ATP6AP2: variants seen among roughly 807,000 people sequenced by gnomAD.
ATP6AP2 encodes the protein renin receptor.
ATP6AP2 carries 1 observed loss-of-function variant against 23.4 expected under a neutral mutation model. That is an observed-to-expected ratio of 0.04 (90% CI 0.02 to 0.20). ATP6AP2 has a LOEUF of 0.20. Ranked by LOEUF, ATP6AP2 falls within the 10% of genes least tolerant of loss-of-function variation. The pLI, the probability that ATP6AP2 is intolerant of heterozygous loss-of-function variation, is 1.00. For missense variants in ATP6AP2, 174 were observed against 271.3 expected, an observed-to-expected ratio of 0.64 and a Z score of 2.52; for synonymous variants, 90 against 97.1, an observed-to-expected ratio of 0.93 and a Z score of 0.43.
Position 40,594,084 on chromosome X carries a change from A to G in ATP6AP2, c.300+2719A>G, listed in dbSNP as rs201248238. Among the ~76,000 whole-genome samples, 29 of 108,227 alleles carry G rather than the reference A, an allele frequency of 2.7e-4. No individual in the cohort carries two copies. The East Asian group carries it at 8.5e-3, about 32-fold the overall frequency. 94.0% of individuals were successfully genotyped at this position (108,227 alleles called of 115,157 possible). A position where few individuals can be genotyped will look rare whatever the true frequency, so the allele number is the denominator to read the frequency against. On this transcript the variant is annotated intron_variant, in intron 3 of 8. Coordinates refer to ENST00000636580, the MANE Select transcript of ATP6AP2 (RefSeq NM_005765.3). Reference sequence around the variant, plus strand: ...GGAGTAGATTTTAGATACTTTTACCACAAAAAAAATATAAGTATGTGAGGT... The same window carrying G: ...GGAGTAGATTTTAGATACTTTTACCGCAAAAAAAATATAAGTATGTGAGGT...
intron 3 of ATP6AP2, chrX:40,591,752 C>T (rs1468596277): frequency 9.7e-6 from 2 of 206,533 alleles, no homozygotes; most frequent in Non-Finnish European, 1.8e-5. Context: ...ACACTGGAGG[C>T]TGCTTGCTGG....
intron 1 of ATP6AP2, among the ~76,000 whole-genome samples, chrX:40,585,466 G>A (rs1019090088): frequency 4.5e-5 from 5 of 111,678 alleles, no homozygotes; most frequent in African/African-American, 1.6e-4. Context: ...GGAGGGAGTT[G>A]CCAGTATCAA....
chrX:40,602,583 G>T (rs1284419849), intron 8 of ATP6AP2, among the ~76,000 whole-genome samples: 1 of 107,491 alleles, frequency 9.3e-6, no homozygotes, highest in East Asian at 2.9e-4. Context: ...CCGGGAGGCG[G>T]AGGTTGCAGT....
chrX:40,591,282 C>T lies in ATP6AP2; in HGVS notation c.217C>T (p.Arg73Trp), dbSNP rs749401561. 43 of 1,209,044 alleles carry T rather than the reference C, an allele frequency of 3.6e-5. No homozygotes were observed. The African/African-American group carries it at 5.4e-4, about 15-fold the overall frequency. Reference protein sequence around the residue: ...LAVGNLFHRPRATVMVMVKGV... With the variant: ...LAVGNLFHRPWATVMVMVKGV... ...AGTGGGTAACCTGTTTCATCGTCCT[C>T]GGGCTACCGTCATGGTGATGGTGAA... The change falls in exon 3 of 9, where the codon CGG (arginine) becomes TGG (tryptophan). Residue 73 changes from arginine to tryptophan, a missense_variant. Arg to Trp is a moderately radical substitution (Grantham distance 101). Transcript: ENST00000636580.
intron 7 of ATP6AP2, 87 bp downstream of exon 7, chrX:40,599,828 T>C: frequency 9.1e-7 from 1 of 1,095,872 alleles, no homozygotes; most frequent in Non-Finnish European, 1.2e-6. Context: ...TCAAACACTG[T>C]TGATTGAACT....
intron 1 of ATP6AP2, among the ~76,000 whole-genome samples, chrX:40,585,401 T>C (rs1926439798): frequency 1.8e-5 from 2 of 111,579 alleles, no homozygotes; most frequent in Admixed American, 1.9e-4. Context: ...CCAAAGGGAT[T>C]GCAAGGAAAA....
chrX:40,600,584 A>AT, intron 7 of ATP6AP2, 178 bp from the exon 8 acceptor site: 1 of 404,482 alleles, frequency 2.5e-6, no homozygotes, highest in Admixed American at 4.8e-5. Context: ...GCATAAAATG[A>AT]TAAGTAGGAG....
intron 3 of ATP6AP2, among the ~76,000 whole-genome samples, chrX:40,594,299 CA>C (rs1926724052): frequency 9.0e-6 from 1 of 111,007 alleles, no homozygotes; most frequent in East Asian, 2.8e-4. Flanking sequence ...ACCCAGTAGG[CA>C]AAAGCCAGAT....
At chrX:40,585,510 G>A (rs971713804) in intron 1 of ATP6AP2, among the ~76,000 whole-genome samples, 1 of 111,654 alleles carries the variant, frequency 9.0e-6, no homozygotes, top group Non-Finnish European at 1.9e-5. Flanking sequence ...TTAAGGGATG[G>A]AAATTGCCTT....
Position 40,599,693 on chromosome X carries a change from T to C in ATP6AP2, c.690T>C (p.Ser230=), listed in dbSNP as rs1926856559. ...TTGGGAAGCGTTATGGGGAAGACTC[T>C]GAACAATTCAGAGATGCTTCTAAGA... ...DEIGKRYGED[S]EQFRDASKIL... The change falls in exon 7 of 9, where the codon TCT becomes TCC. Residue 230 remains serine, a synonymous_variant. Transcript: ENST00000636580. 1 of 1,211,784 alleles carries C rather than the reference T, an allele frequency of 8.3e-7. No individual in the cohort carries two copies. Among genetic ancestry groups the C allele is most frequent in the Admixed American group, 2.2e-5 (1 of 46,033 alleles).
intron 3 of ATP6AP2, among the ~76,000 whole-genome samples, chrX:40,595,132 A>G (rs745411935): frequency 8.9e-6 from 1 of 112,329 alleles, no homozygotes; most frequent in Admixed American, 9.4e-5. Context: ...GATTTTTATT[A>G]GCATGTAATC....
At chrX:40,605,536 T>C in intron 8 of ATP6AP2, 25 bp from the exon 9 acceptor site, 1 of 1,144,890 alleles carries the variant, frequency 8.7e-7, no homozygotes, top group East Asian at 3.0e-5. Context: ...TCCCTCTTGA[T>C]TTTTCTTTCT....
chrX:40,586,692 A>G (rs1312493999), intron 1 of ATP6AP2, among the ~76,000 whole-genome samples: 1 of 112,141 alleles, frequency 8.9e-6, no homozygotes, highest in Non-Finnish European at 1.9e-5. Flanking sequence ...CATCACTGGT[A>G]GTATTGAAAT....
In ATP6AP2 at chrX:40,590,923, T is replaced by G. The variant is rs1926610821; in HGVS notation, c.169-311T>G. The G allele has an allele frequency of 2.1e-5, 5 of 238,686 alleles. No individual in the cohort carries two copies. The South Asian group carries it at 3.1e-4, about 15-fold the overall frequency. The allele number at this position is 238,686 out of a possible 1,213,427, so 19.7% of individuals were successfully genotyped here. A position where few individuals can be genotyped will look rare whatever the true frequency, so the allele number is the denominator to read the frequency against. On this transcript the variant is annotated intron_variant, in intron 2 of 8. Transcript: ENST00000636580. Reference sequence around the variant, plus strand: ...TTCCATGGCTACATGAAGAAAATATTTTGTGATCTGAAATTTGAAAGGTAC... The same window carrying G: ...TTCCATGGCTACATGAAGAAAATATGTTGTGATCTGAAATTTGAAAGGTAC...
chrX:40,591,170 G>A, intron 2 of ATP6AP2, 64 bp from the exon 3 acceptor site: 1 of 1,190,702 alleles, frequency 8.4e-7, no homozygotes, highest in Admixed American at 2.2e-5. Context: ...CTTATTAGAT[G>A]TTATTGGGGA....
Position 40,599,011 on chromosome X carries a change from G to A in ATP6AP2, c.588+277G>A. 6 of 356,527 alleles carry A rather than the reference G, an allele frequency of 1.7e-5. No homozygotes were observed. In the South Asian group the frequency reaches 2.5e-4, roughly 15 times the overall value. 29.4% of individuals were successfully genotyped at this position (356,527 alleles called of 1,213,427 possible). The stretch of plus-strand genomic sequence containing the variant: ...TGGCCATAGTCCTAACTTGGCTGTT[G>A]ATTTCTTGTGAGACTTAATTCCTAT... On this transcript the variant is annotated intron_variant, in intron 6 of 8. Transcript: ENST00000636580.
intron 3 of ATP6AP2, among the ~76,000 whole-genome samples, chrX:40,595,690 T>C (rs1266643749): frequency 2.7e-5 from 3 of 111,740 alleles, no homozygotes; most frequent in African/African-American, 9.8e-5. Flanking sequence ...GTAAACTCTA[T>C]GATCGCTAAA....
chrX:40,589,222 C>G lies in ATP6AP2; in HGVS notation c.168+106C>G, dbSNP rs193003555. On this transcript the variant is annotated intron_variant, in intron 2 of 8. Coordinates refer to ENST00000636580, the MANE Select transcript of ATP6AP2 (RefSeq NM_005765.3). ...CAAACGAACGTAGGTACGTTTGGTA[C>G]AGATTACAAAAGTTAAAAAGCTCAT... The G allele has an allele frequency of 1.8e-5, 18 of 976,908 alleles. No individual in the cohort carries two copies. In the African/African-American group the frequency reaches 3.1e-4, roughly 17 times the overall value. 80.5% of individuals were successfully genotyped at this position (976,908 alleles called of 1,213,427 possible).
chrX:40,603,486 A>T (rs1415903434), intron 8 of ATP6AP2: 1 of 110,396 alleles, frequency 9.1e-6, no homozygotes, highest in African/African-American at 3.3e-5. Flanking sequence ...ATTTGAAATC[A>T]CTCTCTTCCA....
Sources: allele counts gnomAD v4.1 joint callset (sites outside exome capture counted in the v4.1 genomes callset), GRCh38; gene constraint gnomAD v4.1.1; transcripts MANE v1.5; gene names NCBI Gene and HGNC (gene_info 2026-07-23, HGNC 2026-07-21).